Variants in FLNA observed in about 807,000 individuals in gnomAD.
FLNA encodes the protein filamin A, also known as filamin-A.
Under a neutral mutation model 157.6 loss-of-function variants are expected in FLNA, and 7 were observed. That is an observed-to-expected ratio of 0.04 (90% CI 0.03 to 0.08). FLNA has a LOEUF of 0.08. FLNA is among the 10% of genes least tolerant of loss of function. The pLI is 1.00. For missense variants in FLNA, 1,750 were observed against 2,398.4 expected (o/e 0.73, Z 5.65); for synonymous variants, 1,103 against 1,060.8 (o/e 1.04, Z -0.77).
In FLNA at chrX:154,359,736, C is replaced by T; in HGVS notation, c.3975G>A (p.Glu1325=). ...GTGGGAGTCCCCAGCACGCACCCTC[C>T]TCGTAAGGCGTGTACTCCACTTTGT... ...GMYKVEYTPY[E]EGLHSVDVTY... is the part of the protein sequence containing the mutation. Residue 1325 remains glutamate, a synonymous_variant, in exon 23 of 48, where the codon GAG becomes GAA. Coordinates refer to ENST00000369850, the MANE Select transcript of FLNA (RefSeq NM_001110556.2). 8.3e-7 allele frequency: 1 copy of T among 1,210,929 alleles called. No homozygotes were observed. Among genetic ancestry groups the T allele is most frequent in the Non-Finnish European group, 1.1e-6 (1 of 895,433 alleles).
Position 154,355,060 on chromosome X carries a change from C to T in FLNA, c.4982G>A (p.Gly1661Asp). Residue 1661 changes from glycine (G) to aspartate (D), a missense_variant, in exon 31 of 48, where the codon GGC becomes GAC. Gly to Asp is a moderately conservative substitution (Grantham distance 94). Transcript: ENST00000369850. The stretch of plus-strand genomic sequence containing the variant: ...CTCCTCCCCAATCTGAATGGTGGGG[C>T]CGATGCCAGCACCTGGTGGGGCAGG... ...IGGHGLGAGI[G>D]PTIQIGEETV... is the part of the protein sequence containing the mutation. 1.7e-6 allele frequency: 2 copies of T among 1,205,631 alleles called. No individual in the cohort carries two copies. Among genetic ancestry groups the T allele is most frequent in the Non-Finnish European group, 2.2e-6 (2 of 890,650 alleles).
In FLNA at chrX:154,361,429, C is replaced by T. The variant is rs2067710654; in HGVS notation, c.3086G>A (p.Ser1029Asn). The T allele has an allele frequency of 1.7e-6, 2 of 1,209,108 alleles. No homozygotes were observed. The highest frequency in any genetic ancestry group is 4.4e-5 in the Admixed American group (2 of 45,686). Residue 1029 changes from serine to asparagine, a missense_variant, in exon 21 of 48, where the codon AGT becomes AAT. By Grantham distance (46) the Ser-to-Asn change is conservative (BLOSUM62 1). Coordinates refer to ENST00000369850, the MANE Select transcript of FLNA (RefSeq NM_001110556.2). The stretch of plus-strand genomic sequence containing the variant: ...CTCACGGGGCAGGAAGCGCACCACA[C>T]TGTTGTCAGCCCCCAGGCCTGGCTC... ...KVEPGLGADN[S>N]VVRFLPREEG...
At chrX:154,363,593 G>C (rs1322329402) in intron 15 of FLNA, among the ~76,000 whole-genome samples, 1 of 109,409 alleles carries the variant, frequency 9.1e-6, no homozygotes, top group African/African-American at 3.3e-5. Context: ...GGCGCCTGTA[G>C]TCCCAGCTAC....
rs781921715 is a variant in FLNA at position 154,365,122 on chromosome X, C to T, written c.1691+14G>A. On this transcript the variant is annotated intron_variant, in intron 11 of 47. Transcript: ENST00000369850. ...AGTGTGCAGAGCTGGGAGAGGGATG[C>T]CTGGGGGCCTCACCTGCGCCCGATG... 1 of 1,211,323 alleles carries T rather than the reference C, an allele frequency of 8.3e-7. No individual in the cohort carries two copies. The highest frequency in any genetic ancestry group is 2.2e-5 in the Admixed American group (1 of 46,112).
At chrX:154,365,527 G>A in intron 9 of FLNA, 41 bp from the exon 10 acceptor site, 4 of 1,201,171 alleles carry the variant, frequency 3.3e-6, no homozygotes, top group East Asian at 6.0e-5. Flanking sequence ...CAGCTCGGCT[G>A]GGCGACCCCT....
chrX:154,371,231 G>C lies in FLNA; in HGVS notation c.15C>G (p.His5Gln). ...CTGCTGCGCTCTGGCCCGCCCGAGA[G>C]TGGGAGCTACTCATTTTGAGGCGCG... MSSS[H>Q]SRAGQSAAGA... The change falls in exon 2 of 48, where the codon CAC becomes CAG. Residue 5 changes from histidine to glutamine, a missense_variant. Physicochemically the swap from His to Gln is conservative, Grantham distance 24. This residue lies in a region of FLNA where 58 missense variants were observed against 27.8 expected (regional missense o/e 2.09). Transcript: ENST00000369850. The C allele has an allele frequency of 8.3e-7, 1 of 1,202,163 alleles. No individual in the cohort carries two copies. Among genetic ancestry groups the C allele is most frequent in the East Asian group, 3.0e-5 (1 of 33,595 alleles).
rs781839680 is a variant in FLNA at position 154,361,567 on chromosome X, A to G, written c.2948T>C (p.Val983Ala). The change falls in exon 21 of 48, where the codon GTG becomes GCG. Residue 983 changes from valine (V) to alanine (A), a missense_variant. This residue lies in a region of FLNA where 648 missense variants were observed against 805.8 expected (regional missense o/e 0.80). Transcript: ENST00000369850. ...GAACTCCTGGTCTTTGCCAACGTCC[A>G]CCTCTGTGGAAACGATGAAAGGAAG... ...KIKVSGLGEK[V>A]DVGKDQEFTV... The G allele has an allele frequency of 8.3e-6, 10 of 1,210,467 alleles. No individual in the cohort carries two copies. Among genetic ancestry groups the G allele is most frequent in the Non-Finnish European group, 1.1e-5 (10 of 895,134 alleles).
At chrX:154,372,824 C>A (rs898415259) in intron 1 of FLNA, among the ~76,000 whole-genome samples, 12 of 110,512 alleles carry the variant, frequency 1.1e-4, no homozygotes, top group African/African-American at 4.0e-4. Context: ...GAGATGGAGG[C>A]CCTGGGTTGG....
Position 154,360,297 on chromosome X carries a change from T to G in FLNA, c.3498A>C (p.Ser1166=), listed in dbSNP as rs2067695319. The part of the protein sequence containing the change: ...PCFDASKVKC[S]GPGLERATAG... ...CGGTGGCCCGCTCCAGCCCGGGGCC[T>G]GAGCACTTGACTTTGGATGCGTCAA... Residue 1166 remains serine, a synonymous_variant, in exon 22 of 48, where the codon TCA becomes TCC. Transcript: ENST00000369850. 3.3e-6 allele frequency: 4 copies of G among 1,211,026 alleles called. No homozygotes were observed. Among genetic ancestry groups the G allele is most frequent in the African/African-American group, 1.7e-5 (1 of 57,785 alleles).
chrX:154,361,811 G>T (rs376670835), intron 19 of FLNA, 24 bp from the exon 20 acceptor site: 28 of 1,149,899 alleles, frequency 2.4e-5, no homozygotes, highest in Non-Finnish European at 3.3e-5. Context: ...AGAAGGGAAG[G>T]GGGTATTTAG....
chrX:154,352,962 C>T (rs375880063), intron 38 of FLNA, 38 bp from the exon 39 acceptor site: 4 of 1,210,870 alleles, frequency 3.3e-6, no homozygotes, highest in Admixed American at 4.3e-5. Flanking sequence ...GTGCTATGCA[C>T]AGTGCTCCCG....
At position 154,366,174 on chromosome X, in the gene FLNA, T is replaced by G. The variant is rs1340267724; in HGVS notation, c.1279A>C (p.Lys427Gln). ...EVVIQDPMGQKGTVEPQLEAR... is the reference protein window; with the variant it reads ...EVVIQDPMGQQGTVEPQLEAR... ...TCCAGCTGAGGCTCTACCGTGCCCT[T>G]CTGTCCCATGGGGTCCTGGATCACA... Residue 427 changes from lysine (K) to glutamine (Q), a missense_variant, in exon 9 of 48, where the codon AAG (lysine) becomes CAG (glutamine). This residue lies in a region of FLNA where 648 missense variants were observed against 805.8 expected (regional missense o/e 0.80). Transcript: ENST00000369850. 2.5e-6 allele frequency: 3 copies of G among 1,209,496 alleles called. No individual in the cohort carries two copies. The Admixed American group carries it at 6.5e-5, about 26-fold the overall frequency.
rs2067807129 is a variant in FLNA at position 154,371,378 on chromosome X, C to T, written c.-116-17G>A. 1.2e-6 allele frequency: 1 copy of T among 860,285 alleles called. No individual in the cohort carries two copies. The highest frequency in any genetic ancestry group is 1.6e-6 in the Non-Finnish European group (1 of 622,665). 70.9% of individuals were successfully genotyped at this position (860,285 alleles called of 1,213,427 possible). ...GAGGTTGCGCTGCGGAGAGAGCGAG[C>T]CCTTTAAATGCGGGAGGAGGGCGGG... On this transcript the variant is annotated splice_polypyrimidine_tract_variant and intron_variant, in intron 1 of 47. Transcript: ENST00000369850.
At position 154,366,134 on chromosome X, in the gene FLNA, C is replaced by G. The variant is rs782649138; in HGVS notation, c.1319G>C (p.Ser440Thr). ...VEPQLEARGD[S>T]TYRCSYQPTM... ...GGGCTGGTAGCTGCAGCGGTATGTGCTGTCGCCCCGGGCCTCCAGCTGAGG... is the reference window on the plus strand; with the variant it reads ...GGGCTGGTAGCTGCAGCGGTATGTGGTGTCGCCCCGGGCCTCCAGCTGAGG... Residue 440 changes from serine to threonine, a missense_variant, in exon 9 of 48, where the codon AGC becomes ACC. By Grantham distance (58) the Ser-to-Thr change is moderately conservative. Coordinates refer to ENST00000369850, the MANE Select transcript of FLNA (RefSeq NM_001110556.2). 1 of 1,210,322 alleles carries G rather than the reference C, an allele frequency of 8.3e-7. No individual in the cohort carries two copies.
intron 2 of FLNA, among the ~76,000 whole-genome samples, chrX:154,369,457 A>AC (rs1337644651): frequency 8.9e-6 from 1 of 112,259 alleles, no homozygotes; most frequent in Admixed American, 9.3e-5. Context: ...AGAGGGAAGG[A>AC]CCAGGGCCCA....
intron 1 of FLNA, among the ~76,000 whole-genome samples, chrX:154,371,928 G>T (rs1404542169): frequency 8.8e-6 from 1 of 113,747 alleles, no homozygotes; most frequent in Non-Finnish European, 1.9e-5. Context: ...CACTGCCGAG[G>T]GCGCTTTGTG....
rs782296529 is a variant in FLNA, at chrX:154,362,773, T to G, written c.2292A>C (p.Gly764=). 2 of 1,199,993 alleles carry G rather than the reference T, an allele frequency of 1.7e-6. No individual in the cohort carries two copies. Among genetic ancestry groups the G allele is most frequent in the Non-Finnish European group, 2.2e-6 (2 of 889,873 alleles). ...TGACCTTGTTGGGGTGGCTGCCAGC[T>G]CCCACATTCACCTGCAGGGCACAGG... is the stretch of plus-strand genomic sequence containing the variant. The part of the protein sequence containing the change: ...IPNSPFRVNV[G]AGSHPNKVKV... The change falls in exon 16 of 48, where the codon GGA becomes GGC. Residue 764 remains glycine, a synonymous_variant. Coordinates refer to ENST00000369850, the MANE Select transcript of FLNA (RefSeq NM_001110556.2).
rs1409891837 is a variant in FLNA, at chrX:154,371,321, A to G, written c.-76T>C. The G allele has an allele frequency of 7.9e-6, 9 of 1,133,233 alleles. No individual in the cohort carries two copies. Among genetic ancestry groups the G allele is most frequent in the Non-Finnish European group, 1.1e-5 (9 of 850,497 alleles). The allele number at this position is 1,133,233 out of a possible 1,213,427, so 93.4% of individuals were successfully genotyped here. A position where few individuals can be genotyped will look rare whatever the true frequency, so the allele number is the denominator to read the frequency against. On this transcript the variant is annotated 5_prime_UTR_variant, in exon 2 of 48. Transcript: ENST00000369850. ...CGGCCCTTTAATTAAAGTCGCAGGC[A>G]CCTAGGCGCGCGGGAGGCGAGGCAG...
At chrX:154,350,348 C>T (rs1603358669) in intron 44 of FLNA, 141 bp from the exon 45 acceptor site, 1 of 540,142 alleles carries the variant, frequency 1.9e-6, no homozygotes, top group East Asian at 3.5e-5. Context: ...GGCACCTGCA[C>T]CCCGCAGCAG....
Sources: gnomAD v4.1 joint callset for allele counts (sites outside exome capture counted in the v4.1 genomes callset) on GRCh38, gnomAD v4.1.1 for gene constraint, gnomAD v4.1.1 regional missense constraint, MANE v1.5 for transcripts, NCBI Gene and HGNC (gene_info 2026-07-23, HGNC 2026-07-21) for gene names.